The following MEP1A variants were observed in gnomAD, a reference collection of about 807,000 sequenced individuals.
MEP1A encodes the protein meprin A subunit alpha.
Under a neutral mutation model 84.5 loss-of-function variants are expected in MEP1A, and 68 were observed. The ratio of observed to expected loss-of-function variants is 0.80; its 90% CI spans 0.66 to 0.98. The LOEUF is 0.98. Ranked by LOEUF, MEP1A falls within the 50% of genes least tolerant of loss-of-function variation. MEP1A has a pLI of 0.00. For missense variants in MEP1A, 887 were observed against 919.9 expected, an observed-to-expected ratio of 0.96 and a Z score of 0.46; for synonymous variants, 337 against 336.8, an observed-to-expected ratio of 1.00 and a Z score of -0.01.
At chr6:46,808,325 ATTTC>A (rs1303008093) in intron 5 of MEP1A, among the ~76,000 whole-genome samples, 1 of 151,966 alleles carries the variant, frequency 6.6e-6, no homozygotes, top group Non-Finnish European at 1.5e-5. Flanking sequence ...TCCCATGACT[ATTTC>A]TTTAATGATC....
chr6:46,797,931 TTTCCTTCC>T (rs70996387), intron 3 of MEP1A, among the ~76,000 whole-genome samples: 6,230 of 49,178 alleles, frequency 0.13, 762 homozygotes, highest in African/African-American at 0.17. Flanking sequence ...TCCTTCCTTC[TTTCCTTCC>T]TTCCTTCCTT....
Position 46,818,854 on chromosome 6 carries a change from G to A in MEP1A, c.381-675G>A, listed in dbSNP as rs139570293. Among the ~76,000 whole-genome samples, 473 of 152,230 alleles carry A rather than the reference G, an allele frequency of 3.1e-3. 1 individual carries two copies. The highest frequency in any genetic ancestry group is 5.9e-3 in the Non-Finnish European group (398 of 68,012). ...ATTAAAGTATAAAAGGGCTAGGTGC[G>A]ATGGCTCACACCTGTAATCCTAGCA... is the stretch of plus-strand genomic sequence containing the variant. On this transcript the variant is annotated intron_variant, in intron 6 of 13. Transcript: ENST00000230588.
At chr6:46,820,742 C>T (rs1490122024) in intron 7 of MEP1A, among the ~76,000 whole-genome samples, 4 of 151,386 alleles carry the variant, frequency 2.6e-5, no homozygotes, top group African/African-American at 9.7e-5. Context: ...TTTGAGTACA[C>T]TAAAACATTT....
At chr6:46,800,230 G>A (rs1263208384) in intron 5 of MEP1A, among the ~76,000 whole-genome samples, 1 of 152,160 alleles carries the variant, frequency 6.6e-6, no homozygotes, top group Non-Finnish European at 1.5e-5. Flanking sequence ...TGTCACATCT[G>A]CACCACCCTA....
At position 46,839,092 on chromosome 6, in the gene MEP1A, A is replaced by G; in HGVS notation, c.2197A>G (p.Thr733Ala). ...AGGCACGGCTGGCGTGATCTTCTTGACCTTCTCCATCATCGCCATCCTTTC... is the reference window on the plus strand; with the variant it reads ...AGGCACGGCTGGCGTGATCTTCTTGGCCTTCTCCATCATCGCCATCCTTTC... ...IGGTAGVIFL[T>A]FSIIAILSQR... The change falls in exon 14 of 14, where the codon ACC (threonine) becomes GCC (alanine). Residue 733 changes from threonine to alanine, a missense_variant. Coordinates refer to ENST00000230588, the MANE Select transcript of MEP1A (RefSeq NM_005588.3). 6.2e-7 allele frequency: 1 copy of G among 1,613,128 alleles called. No individual in the cohort carries two copies.
Position 46,834,737 on chromosome 6 carries a change from T to G in MEP1A, c.1769T>G (p.Phe590Cys). The change falls in exon 12 of 14, where the codon TTT becomes TGT. Residue 590 changes from phenylalanine to cysteine, a missense_variant. By Grantham distance (205) the Phe-to-Cys change is radical. Transcript: ENST00000230588. ...SFLKNDDLII[F>C]VDFEDITHLS... Reference sequence around the variant, plus strand: ...CTGAAAAATGATGACCTCATCATATTTGTGGACTTTGAAGGTACTTTTGTT... The same window carrying G: ...CTGAAAAATGATGACCTCATCATATGTGTGGACTTTGAAGGTACTTTTGTT... The G allele has an allele frequency of 6.2e-7, 1 of 1,611,258 alleles. No individual in the cohort carries two copies. The highest frequency in any genetic ancestry group is 8.5e-7 in the Non-Finnish European group (1 of 1,179,362).
At chr6:46,798,494 T>C (rs1409593852) in intron 3 of MEP1A, 112 bp from the exon 4 acceptor site, 4 of 927,966 alleles carry the variant, frequency 4.3e-6, no homozygotes, top group Non-Finnish European at 6.8e-6. Flanking sequence ...TTTTGCCACA[T>C]AAAGATTAAT....
At chr6:46,829,282 T>G in intron 9 of MEP1A, 74 bp from the exon 10 acceptor site, 1 of 1,256,362 alleles carries the variant, frequency 8.0e-7, no homozygotes, top group Non-Finnish European at 1.2e-6. Flanking sequence ...GTTCACTATT[T>G]CACTTTGTTT....
intron 2 of MEP1A, 39 bp from the exon 3 acceptor site, chr6:46,793,627 G>A (rs532776129): frequency 3.5e-5 from 56 of 1,580,646 alleles, no homozygotes; most frequent in South Asian, 3.0e-4. Flanking sequence ...TTTTTCCTTC[G>A]GCAAGACTAA....
intron 3 of MEP1A, 53 bp downstream of exon 3, chr6:46,793,769 G>A: frequency 1.6e-6 from 2 of 1,289,274 alleles, no homozygotes; most frequent in South Asian, 1.2e-5. Context: ...AAACCCAGTG[G>A]TGGGATTACT....
chr6:46,828,907 C>T (rs997738628), intron 9 of MEP1A, among the ~76,000 whole-genome samples: 2 of 121,856 alleles, frequency 1.6e-5, no homozygotes, highest in Non-Finnish European at 3.5e-5. Context: ...GGAAATTGAA[C>T]CCTTATTGTC....
At chr6:46,836,785 GGTC>G in intron 13 of MEP1A, among the ~76,000 whole-genome samples, 1 of 133,134 alleles carries the variant, frequency 7.5e-6, no homozygotes, top group African/African-American at 2.9e-5. Flanking sequence ...GAAGATTACT[GGTC>G]AGGGATTTTT....
intron 12 of MEP1A, among the ~76,000 whole-genome samples, chr6:46,835,039 T>G (rs1296305504): frequency 6.6e-6 from 1 of 152,200 alleles, no homozygotes; most frequent in Non-Finnish European, 1.5e-5. Flanking sequence ...ATGCTTCATT[T>G]TGCAAATTCA....
chr6:46,809,549 A>G lies in MEP1A; in HGVS notation c.380+12A>G, dbSNP rs1767442352. ...CAACAGTTTGATGGGTTGGTATGAA[A>G]TTTTACGGAGTGAAAATCATGCATA... On this transcript the variant is annotated intron_variant, in intron 6 of 13. Transcript: ENST00000230588. 1.3e-6 allele frequency: 2 copies of G among 1,543,320 alleles called. No homozygotes were observed. The highest frequency in any genetic ancestry group is 2.7e-5 in the African/African-American group (2 of 73,162).
chr6:46,822,474 A>T (rs3778480), intron 7 of MEP1A, among the ~76,000 whole-genome samples: 64,303 of 151,988 alleles, frequency 0.42, 13,959 homozygotes, highest in African/African-American at 0.5. Flanking sequence ...TTCAAAATAT[A>T]TGTTTGTTAA....
intron 3 of MEP1A, among the ~76,000 whole-genome samples, chr6:46,797,347 G>T (rs1767067259): frequency 6.6e-6 from 1 of 152,210 alleles, no homozygotes; most frequent in East Asian, 1.9e-4. Context: ...GATAAGTGAT[G>T]CTCTTTTAAT....
At chr6:46,817,586 A>G (rs920372622) in intron 6 of MEP1A, among the ~76,000 whole-genome samples, 4 of 152,202 alleles carry the variant, frequency 2.6e-5, no homozygotes, top group Non-Finnish European at 5.9e-5. Flanking sequence ...TAACTTTATT[A>G]ACAAATTTAT....
At chr6:46,824,828 T>A (rs187086441) in intron 7 of MEP1A, among the ~76,000 whole-genome samples, 1 of 86,972 alleles carries the variant, frequency 1.1e-5, no homozygotes, top group African/African-American at 5.4e-5. Flanking sequence ...TTAGATGTAT[T>A]TAAATATATA....
At chr6:46,826,606 C>T in intron 9 of MEP1A, 103 bp downstream of exon 9, 1 of 1,035,134 alleles carries the variant, frequency 9.7e-7, no homozygotes, top group East Asian at 2.8e-5. Flanking sequence ...AGTTATCAAA[C>T]TTGAAAATCT....
Sources: allele counts gnomAD v4.1 joint callset (sites outside exome capture counted in the v4.1 genomes callset), GRCh38; gene constraint gnomAD v4.1.1; transcripts MANE v1.5; gene names NCBI Gene and HGNC (gene_info 2026-07-23, HGNC 2026-07-21).